The following MTFR1 variants were observed in gnomAD, a reference collection of about 807,000 sequenced individuals.
MTFR1 encodes chondrocyte protein with a poly-proline region.
MTFR1 carries 28 observed loss-of-function variants against 38.8 expected under a neutral mutation model. That is an observed-to-expected ratio of 0.72 (90% CI 0.53 to 0.99). The LOEUF (loss-of-function observed/expected upper bound fraction) is 0.99, where lower values mean the gene tolerates loss of function less well. Ranked by LOEUF, MTFR1 falls within the 50% of genes least tolerant of loss-of-function variation. The pLI is 0.00. For synonymous variants in MTFR1, 145 were observed against 137.0 expected, an observed-to-expected ratio of 1.06 and a Z score of -0.41; for missense variants, 358 against 395.5, an observed-to-expected ratio of 0.91 and a Z score of 0.81.
At chr8:65,669,476 A>G (rs1804499398) in intron 1 of MTFR1, among the ~76,000 whole-genome samples, 2 of 152,346 alleles carry the variant, frequency 1.3e-5, no homozygotes, top group East Asian at 3.9e-4. Flanking sequence ...AAAAGAAAAC[A>G]AAACACCTTA....
At chr8:65,691,896 T>G (rs189994047) in intron 3 of MTFR1, among the ~76,000 whole-genome samples, 3 of 152,228 alleles carry the variant, frequency 2.0e-5, no homozygotes, top group Admixed American at 2.0e-4. Context: ...ACAACTGATA[T>G]GTTTAAAGTT....
chr8:65,647,300 A>AT (rs1171394532), intron 1 of MTFR1, among the ~76,000 whole-genome samples: 1 of 151,852 alleles, frequency 6.6e-6, no homozygotes, highest in African/African-American at 2.4e-5. Flanking sequence ...ATATAGTAGG[A>AT]TTTTTTTTGT....
Position 65,682,433 on chromosome 8 carries a change from T to C in MTFR1, c.147T>C (p.Cys49=). Residue 49 remains cysteine (C), a synonymous_variant, in exon 3 of 8, where the codon TGT becomes TGC. Transcript: ENST00000262146. ...KIGTNLSLIQ[C]PRVQFQINSH... ...GTACTAATTTGTCTCTGATTCAGTG[T>C]CCAAGAGTTCAGTTTCAGGTATTAT... 6.5e-7 allele frequency: 1 copy of C among 1,536,548 alleles called. No individual in the cohort carries two copies. The highest frequency in any genetic ancestry group is 8.8e-7 in the Non-Finnish European group (1 of 1,136,234).
intron 3 of MTFR1, among the ~76,000 whole-genome samples, chr8:65,752,799 T>C (rs1030928352): frequency 1.3e-5 from 2 of 152,220 alleles, no homozygotes; most frequent in Non-Finnish European, 2.9e-5. Flanking sequence ...GAAACACCTT[T>C]ATGTGTTTTC....
At chr8:65,754,229 G>A (rs1455330298) in intron 3 of MTFR1, among the ~76,000 whole-genome samples, 1 of 152,024 alleles carries the variant, frequency 6.6e-6, no homozygotes, top group Non-Finnish European at 1.5e-5. Flanking sequence ...CACGCTGGCA[G>A]CTGATTAGAT....
At chr8:65,713,324 C>A (rs1806004741), downstream of MTFR1, among the ~76,000 whole-genome samples, 1 of 151,806 alleles carries the variant, frequency 6.6e-6, no homozygotes, top group African/African-American at 2.4e-5. Context: ...ACCTGTAATC[C>A]CAACTACTCG....
chr8:65,774,317 A>ATGT (rs1809195670), downstream of MTFR1, among the ~76,000 whole-genome samples: 1 of 111,774 alleles, frequency 8.9e-6, no homozygotes, highest in African/African-American at 6.4e-5. Context: ...TATAGTGAGA[A>ATGT]TATTATAAAA....
downstream of MTFR1, among the ~76,000 whole-genome samples, chr8:65,713,436 TCAAACACACACACACA>T (rs1340408595): frequency 1.2e-4 from 11 of 88,878 alleles, no homozygotes; most frequent in African/African-American, 4.1e-4. Context: ...GACTCCCATC[TCAAACACACACACACA>T]CACACACACA....
chr8:65,698,732 CTTTT>C (rs529069971), intron 4 of MTFR1, among the ~76,000 whole-genome samples: 1 of 143,030 alleles, frequency 7.0e-6, no homozygotes, highest in Non-Finnish European at 1.5e-5. Flanking sequence ...TTGTTCCCTT[CTTTT>C]TTTTTTTTTG....
chr8:65,747,245 C>T (rs1428166387), intron 3 of MTFR1, among the ~76,000 whole-genome samples: 1 of 152,148 alleles, frequency 6.6e-6, no homozygotes, highest in Non-Finnish European at 1.5e-5. Context: ...GCTGGGTTTA[C>T]CTCTAACCAG....
rs1412108341 is a variant in MTFR1 at position 65,739,576 on chromosome 8, G to A, written c.*48+20095G>A. 2 of 1,548,544 alleles carry A rather than the reference G, an allele frequency of 1.3e-6. No homozygotes were observed. Among genetic ancestry groups the A allele is most frequent in the Non-Finnish European group, 1.7e-6 (2 of 1,153,438 alleles). ...TCCATGAAGACTAAATAAATGAAAG[G>A]TTAAGCTTACTAGACTATTTCCTAA... On this transcript the variant is annotated intron_variant, in intron 3 of 3. Coordinates refer to the MTFR1 transcript ENST00000521247.
intron 1 of MTFR1, among the ~76,000 whole-genome samples, chr8:65,666,836 A>G (rs1310938744): frequency 6.6e-6 from 1 of 152,156 alleles, no homozygotes; most frequent in African/African-American, 2.4e-5. Context: ...TCACTAATTC[A>G]AATATATATC....
intron 3 of MTFR1, among the ~76,000 whole-genome samples, chr8:65,690,933 T>C (rs976984704): frequency 4.6e-5 from 7 of 152,200 alleles, no homozygotes; most frequent in Non-Finnish European, 1.0e-4. Context: ...ATCTCCTTAT[T>C]ACAGTGTTAT....
At chr8:65,711,066 T>G (rs902560121), downstream of MTFR1, among the ~76,000 whole-genome samples, 3 of 152,152 alleles carry the variant, frequency 2.0e-5, no homozygotes, top group African/African-American at 7.2e-5. Flanking sequence ...GACTTGGAGC[T>G]TTACATGATC....
chr8:65,755,181 C>T (rs955471996), intron 3 of MTFR1, among the ~76,000 whole-genome samples: 11 of 151,406 alleles, frequency 7.3e-5, no homozygotes, highest in African/African-American at 9.7e-5. Flanking sequence ...CCACCACGCC[C>T]GGCTAATTTT....
At chr8:65,704,620 C>A in intron 4 of MTFR1, 74 bp from the exon 5 acceptor site, 4 of 1,222,484 alleles carry the variant, frequency 3.3e-6, no homozygotes, top group South Asian at 1.3e-5. Flanking sequence ...AATGCGGATA[C>A]ACTGTCAGGT....
intron 3 of MTFR1, among the ~76,000 whole-genome samples, chr8:65,758,859 C>T (rs1469422986): frequency 6.6e-6 from 1 of 152,172 alleles, no homozygotes; most frequent in Non-Finnish European, 1.5e-5. Flanking sequence ...CCATCTGTAG[C>T]CCCCCAGGGC....
At chr8:65,715,099 A>G (rs975498262), downstream of MTFR1, among the ~76,000 whole-genome samples, 2 of 152,156 alleles carry the variant, frequency 1.3e-5, no homozygotes, top group African/African-American at 2.4e-5. Flanking sequence ...TGTGTGTGAA[A>G]ATTTTTAGTC....
chr8:65,674,634 A>G (rs562002177), intron 2 of MTFR1, among the ~76,000 whole-genome samples: 7 of 152,222 alleles, frequency 4.6e-5, no homozygotes, highest in Admixed American at 3.9e-4. Flanking sequence ...AAATAAAAAG[A>G]AGAAATTGCA....
Sources: allele counts gnomAD v4.1 joint callset (sites outside exome capture counted in the v4.1 genomes callset), GRCh38; gene constraint gnomAD v4.1.1; transcripts MANE v1.5; gene names NCBI Gene and HGNC (gene_info 2026-07-23, HGNC 2026-07-21).